GRB7: variants seen among roughly 807,000 people sequenced by gnomAD.
GRB7 encodes the protein growth factor receptor bound protein 7, also known as growth factor receptor-bound protein 7.
A neutral mutation model predicts 64.1 loss-of-function variants in GRB7; 47 were observed. The ratio of observed to expected loss-of-function variants is 0.73; its 90% CI spans 0.58 to 0.94. The LOEUF (loss-of-function observed/expected upper bound fraction) is 0.94. Ranked by LOEUF, GRB7 falls within the 40% of genes least tolerant of loss-of-function variation. The probability of loss-of-function intolerance (pLI) is 0.00; values close to 1 mark genes in which losing one functional copy is unlikely to be tolerated. For synonymous variants in GRB7, 277 were observed against 279.9 expected, an observed-to-expected ratio of 0.99 and a Z score of 0.10; for missense variants, 634 against 718.4, an observed-to-expected ratio of 0.88 and a Z score of 1.34.
chr17:39,744,312 C>A, intron 7 of GRB7, 105 bp downstream of exon 7: 7 of 1,358,384 alleles, frequency 5.2e-6, no homozygotes, highest in Non-Finnish European at 5.1e-6. Context: ...CTGGGCCCCC[C>A]AGGCCAGCCA....
chr17:39,742,565 G>A lies in GRB7; in HGVS notation c.156-1G>A. 1 of 1,613,882 alleles carries A rather than the reference G, an allele frequency of 6.2e-7. No homozygotes were observed. The highest frequency in any genetic ancestry group is 8.5e-7 in the Non-Finnish European group (1 of 1,179,990). On this transcript the variant is annotated splice_acceptor_variant, in intron 2 of 14. Transcript: ENST00000309156. LOFTEE classifies it high-confidence loss of function. Reference sequence around the variant, plus strand: ...TCTCTCCCTTTTTCTTCTTGCCACAGGAAACTTCGAGAGGAGGAGAGGCGT... The same window carrying A: ...TCTCTCCCTTTTTCTTCTTGCCACAAGAAACTTCGAGAGGAGGAGAGGCGT...
intron 4 of GRB7, 33 bp from the exon 5 acceptor site, chr17:39,743,147 C>T (rs756665815): frequency 6.2e-7 from 1 of 1,612,370 alleles, no homozygotes; most frequent in East Asian, 2.2e-5. Context: ...TGGTTGATCT[C>T]CAATAACCCC....
chr17:39,745,754 G>C lies in GRB7; in HGVS notation c.1236G>C (p.Leu412=). The C allele has an allele frequency of 6.2e-7, 1 of 1,613,948 alleles. No homozygotes were observed. The highest frequency in any genetic ancestry group is 8.5e-7 in the Non-Finnish European group (1 of 1,180,028). Residue 412 remains leucine (L), a synonymous_variant, in exon 12 of 15, where the codon CTG becomes CTC. Coordinates refer to ENST00000309156, the MANE Select transcript of GRB7 (RefSeq NM_005310.5). ...AGAAGACAAACCACCGCCTCAGCCTGCCCATGCCAGCCTCCGGCACGAGCC... is the reference window on the plus strand; with the variant it reads ...AGAAGACAAACCACCGCCTCAGCCTCCCCATGCCAGCCTCCGGCACGAGCC... The part of the protein sequence containing the change: ...WRKKTNHRLS[L]PMPASGTSLS...
rs768713096 is a variant in GRB7 at position 39,742,391 on chromosome 17, C to T, written c.90C>T (p.Pro30=). Residue 30 remains proline (P), a synonymous_variant, in exon 2 of 15, where the codon CCC becomes CCT. Transcript: ENST00000309156. ...GGACCCCTCCTGGGACTCCCCGGCC[C>T]CCTGATACCCCTCTGCCTGAGGAGG... ...APGTPPGTPR[P]PDTPLPEEVK... 1.9e-6 allele frequency: 3 copies of T among 1,614,062 alleles called. No homozygotes were observed. The South Asian group carries it at 3.3e-5, about 18-fold the overall frequency.
At chr17:39,741,758 G>T (rs139736520) in intron 1 of GRB7, among the ~76,000 whole-genome samples, 2 of 151,962 alleles carry the variant, frequency 1.3e-5, no homozygotes, top group South Asian at 4.2e-4. Flanking sequence ...GGTGGCTTAC[G>T]CCTGTAATCC....
At chr17:39,739,017 G>A in intron 1 of GRB7, 1 of 1,051,392 alleles carries the variant, frequency 9.5e-7, no homozygotes, top group African/African-American at 1.6e-5. Flanking sequence ...GGCCTGGGGA[G>A]AGTGGGGTGG....
At chr17:39,746,225 A>C in intron 14 of GRB7, 23 bp downstream of exon 14, 1 of 1,592,154 alleles carries the variant, frequency 6.3e-7, no homozygotes, top group African/African-American at 1.3e-5. Flanking sequence ...GCGTCCCCGG[A>C]GTCCTGCAAT....
rs1257027530 is a variant in GRB7, at chr17:39,738,714, T to C, written c.-51+581T>C. 3.5e-5 allele frequency: 18 copies of C among 517,220 alleles called. No homozygotes were observed. The East Asian group carries it at 5.2e-4, about 15-fold the overall frequency. The allele number at this position is 517,220 out of a possible 1,614,324, so 32.0% of individuals were successfully genotyped here. ...CCCGGGGAGAGCCGCCCTCACTCTCTGGCTCGCCCAGTTTACCCCAGTTTG... is the reference window on the plus strand; with the variant it reads ...CCCGGGGAGAGCCGCCCTCACTCTCCGGCTCGCCCAGTTTACCCCAGTTTG... On this transcript the variant is annotated intron_variant, in intron 1 of 14. Transcript: ENST00000309156.
rs1284085516 is a variant in GRB7, at chr17:39,742,678, G to A, written c.268G>A (p.Ala90Thr). ...CCCAATTCTCGGGGGCCCCTCCAGT[G>A]CAAGGGGGCTGCTCCCCCGCGATGC... ...QSPILGGPSS[A>T]RGLLPRDASR... is the part of the protein sequence containing the mutation. The change falls in exon 3 of 15, where the codon GCA (alanine) becomes ACA (threonine). Residue 90 changes from alanine (A) to threonine (T), a missense_variant. Transcript: ENST00000309156. 2.7e-5 allele frequency: 43 copies of A among 1,592,716 alleles called. No homozygotes were observed. Among genetic ancestry groups the A allele is most frequent in the Non-Finnish European group, 3.6e-5 (42 of 1,169,298 alleles).
In GRB7 at chr17:39,744,522, G is replaced by A. The variant is rs764032457; in HGVS notation, c.802-31G>A. 5 of 1,554,344 alleles carry A rather than the reference G, an allele frequency of 3.2e-6. 1 individual carries two copies. The South Asian group carries it at 3.5e-5, about 11-fold the overall frequency. On this transcript the variant is annotated intron_variant, in intron 7 of 14. Transcript: ENST00000309156. Reference sequence around the variant, plus strand: ...AGGTAATAGTGGGCGGGATCTACCTGTACCAAGTCCTGCTCACTCATGCTG... The same window carrying A: ...AGGTAATAGTGGGCGGGATCTACCTATACCAAGTCCTGCTCACTCATGCTG...
intron 8 of GRB7, 101 bp from the exon 9 acceptor site, chr17:39,744,785 G>T: frequency 7.5e-7 from 1 of 1,328,172 alleles, no homozygotes; most frequent in Non-Finnish European, 1.1e-6. Flanking sequence ...CTGCACCCTG[G>T]CCTGCTGGAA....
chr17:39,741,393 C>T (rs1187913711), intron 1 of GRB7, among the ~76,000 whole-genome samples: 1 of 152,152 alleles, frequency 6.6e-6, no homozygotes, highest in Non-Finnish European at 1.5e-5. Flanking sequence ...CCCTGCTCTC[C>T]CCCTTGCACT....
chr17:39,743,008 C>T lies in GRB7; in HGVS notation c.417C>T (p.Ser139=), dbSNP rs758003710. The change falls in exon 4 of 15, where the codon AGC becomes AGT. Residue 139 remains serine, a synonymous_variant. Transcript: ENST00000309156. ...TGGTGCAGCGAGCTCACGCCTTGAG[C>T]GACGAGACCTGGGGGCTGGTGGAGT... ...EMLVQRAHAL[S]DETWGLVECH... 24 of 1,612,246 alleles carry T rather than the reference C, an allele frequency of 1.5e-5. No homozygotes were observed. Among genetic ancestry groups the T allele is most frequent in the Non-Finnish European group, 1.9e-5 (22 of 1,178,954 alleles).
At position 39,746,683 on chromosome 17, in the gene GRB7, G is replaced by A. The variant is rs931415775; in HGVS notation, c.1453-68G>A. 7.1e-6 allele frequency: 11 copies of A among 1,544,180 alleles called. No individual in the cohort carries two copies. In the Middle Eastern group the frequency reaches 1.7e-3, roughly 241 times the overall value. ...GAATAAAAGGAAATGGTGGGGCCCTGGCCCAGGAGGGAGCTTCCCAAGCCT... is the reference window on the plus strand; with the variant it reads ...GAATAAAAGGAAATGGTGGGGCCCTAGCCCAGGAGGGAGCTTCCCAAGCCT... On this transcript the variant is annotated intron_variant, in intron 14 of 14. Coordinates refer to ENST00000309156, the MANE Select transcript of GRB7 (RefSeq NM_005310.5).
At chr17:39,743,091 T>C (rs1178799043) in intron 4 of GRB7, 37 bp downstream of exon 4, 1 of 1,597,400 alleles carries the variant, frequency 6.3e-7, no homozygotes, top group Non-Finnish European at 8.6e-7. Context: ...GGCTGGGAGA[T>C]GATGCCTTGC....
chr17:39,744,334 C>T (rs1169127649), intron 7 of GRB7, 127 bp downstream of exon 7: 3 of 1,136,170 alleles, frequency 2.6e-6, no homozygotes, highest in Non-Finnish European at 3.8e-6. Flanking sequence ...CTCCAGTTTA[C>T]CATCTCTCCC....
In GRB7 at chr17:39,744,890, A is replaced by G; in HGVS notation, c.917A>G (p.Asn306Ser). 1.9e-6 allele frequency: 3 copies of G among 1,613,826 alleles called. No homozygotes were observed. Among genetic ancestry groups the G allele is most frequent in the Non-Finnish European group, 2.5e-6 (3 of 1,179,750 alleles). The change falls in exon 9 of 15, where the codon AAC (asparagine) becomes AGC (serine). Residue 306 changes from asparagine (N) to serine (S), a missense_variant. By Grantham distance (46) the Asn-to-Ser change is conservative. Coordinates refer to ENST00000309156, the MANE Select transcript of GRB7 (RefSeq NM_005310.5). ...PTDFGFCVKP[N>S]KLRNGHKGLR... ...GTCAATTTCCTCTCTCTGCAGCCCA[A>G]CAAGCTTCGAAATGGCCACAAGGGG...
intron 1 of GRB7, chr17:39,738,772 G>C: frequency 1.3e-6 from 1 of 771,888 alleles, no homozygotes; most frequent in Non-Finnish European, 2.0e-6. Context: ...AGACGTCTCT[G>C]CGGGCTGCGG....
chr17:39,738,805 C>T, intron 1 of GRB7: 1 of 1,160,414 alleles, frequency 8.6e-7, no homozygotes, highest in Non-Finnish European at 1.2e-6. Context: ...AGGGCCCCCT[C>T]CACTTTGGAG....
Sources: gnomAD v4.1 joint callset for allele counts (sites outside exome capture counted in the v4.1 genomes callset) on GRCh38, gnomAD v4.1.1 for gene constraint, MANE v1.5 for transcripts, NCBI Gene and HGNC (gene_info 2026-07-23, HGNC 2026-07-21) for gene names.